The following RARB variants were observed in gnomAD, a reference collection of about 807,000 sequenced individuals.
The protein encoded by RARB is HBV-activated protein.
Under a neutral mutation model 51.9 loss-of-function variants are expected in RARB, and 17 were observed. The observed-to-expected ratio is 0.33, with a 90% CI of 0.22 to 0.49. The LOEUF is 0.49. RARB is among the 20% of genes least tolerant of loss of function. The probability of loss-of-function intolerance (pLI) is 0.99; values close to 1 mark genes in which losing one functional copy is unlikely to be tolerated. For synonymous variants in RARB, 215 were observed against 195.4 expected, an observed-to-expected ratio of 1.10 and a Z score of -0.84; for missense variants, 369 against 550.8, an observed-to-expected ratio of 0.67 and a Z score of 3.30.
At chr3:25,135,169 T>C (rs1204574030) in intron 4 of RARB, among the ~76,000 whole-genome samples, 2 of 151,908 alleles carry the variant, frequency 1.3e-5, no homozygotes, top group African/African-American at 2.4e-5. Context: ...GATCCATCGA[T>C]AGAGTAGCCA....
intron 2 of RARB, among the ~76,000 whole-genome samples, chr3:24,972,543 T>G (rs6768850): frequency 0.49 from 73,944 of 151,756 alleles, 18,446 homozygotes; most frequent in Admixed American, 0.6. Context: ...GTTATATTTT[T>G]AGCTTTCTGA....
chr3:24,877,345 A>AATTTTTTTTTTTTTTTTTTTTTTTTTTT (rs1559379782), intron 2 of RARB, among the ~76,000 whole-genome samples: 1 of 17,764 alleles, frequency 5.6e-5, no homozygotes, highest in African/African-American at 2.9e-4. Context: ...AAGCAATCTT[A>AATTTTTTTTTTTTTTTTTTTTTTTTTTT]CTTTTTTTTT....
intron 2 of RARB, among the ~76,000 whole-genome samples, chr3:25,050,043 C>T (rs6550940): frequency 0.71 from 107,172 of 151,622 alleles, 38,194 homozygotes; most frequent in Non-Finnish European, 0.73. Flanking sequence ...GGTATTTAAT[C>T]CGGATTTTAA....
chr3:24,989,815 C>T (rs1696873287), intron 2 of RARB, among the ~76,000 whole-genome samples: 1 of 45,982 alleles, frequency 2.2e-5, no homozygotes, highest in African/African-American at 9.5e-5. Context: ...TTTTTTGAGA[C>T]GGAGTCTCGC....
At chr3:25,206,472 G>A (rs1231190699) in intron 5 of RARB, among the ~76,000 whole-genome samples, 2 of 152,098 alleles carry the variant, frequency 1.3e-5, no homozygotes, top group Non-Finnish European at 2.9e-5. Context: ...GAGGTCTTTT[G>A]ACTGAAGATA....
intron 3 of RARB, among the ~76,000 whole-genome samples, chr3:25,503,118 C>T (rs1385689439): frequency 7.0e-6 from 1 of 143,630 alleles, no homozygotes; most frequent in Admixed American, 7.0e-5. Flanking sequence ...CATCCAGTTC[C>T]TTTCCCTCTC....
At chr3:24,865,091 T>A (rs141582741) in intron 2 of RARB, among the ~76,000 whole-genome samples, 90 of 152,308 alleles carry the variant, frequency 5.9e-4, no homozygotes, top group African/African-American at 2.1e-3. Flanking sequence ...TATGACAAGT[T>A]CTGAGGGTCC....
At chr3:25,076,308 T>A (rs945055763) in intron 3 of RARB, among the ~76,000 whole-genome samples, 2 of 152,102 alleles carry the variant, frequency 1.3e-5, no homozygotes, top group Non-Finnish European at 2.9e-5. Flanking sequence ...TCCGGCTAAT[T>A]TTTTGTAATT....
chr3:25,396,712 G>C (rs955919987), intron 5 of RARB, among the ~76,000 whole-genome samples: 9 of 152,072 alleles, frequency 5.9e-5, no homozygotes, highest in African/African-American at 2.2e-4. Flanking sequence ...GTTTGCTGTG[G>C]CGCTGTGGAG....
chr3:25,429,535 G>C (rs1441183680), intron 1 of RARB, among the ~76,000 whole-genome samples: 1 of 152,128 alleles, frequency 6.6e-6, no homozygotes, highest in Non-Finnish European at 1.5e-5. Flanking sequence ...AGAAGTTGCT[G>C]TTTTGCTAGA....
chr3:25,226,070 G>A (rs1702049930), intron 5 of RARB, among the ~76,000 whole-genome samples: 1 of 152,112 alleles, frequency 6.6e-6, no homozygotes, highest in African/African-American at 2.4e-5. Context: ...TAAGCAAACT[G>A]CCCATATAAA....
intron 2 of RARB, among the ~76,000 whole-genome samples, chr3:24,881,032 G>T (rs1250107415): frequency 6.6e-6 from 1 of 152,166 alleles, no homozygotes; most frequent in African/African-American, 2.4e-5. Context: ...TAGGTGATTG[G>T]ATCATGGGGT....
At chr3:25,318,599 T>G (rs937298854) in intron 5 of RARB, among the ~76,000 whole-genome samples, 1 of 152,186 alleles carries the variant, frequency 6.6e-6, no homozygotes, top group African/African-American at 2.4e-5. Flanking sequence ...TGGAAATGTA[T>G]GTGTAGGTAA....
chr3:25,157,350 T>TTGTGTGTGTGTG (rs748559000), intron 4 of RARB, among the ~76,000 whole-genome samples: 3,461 of 144,962 alleles, frequency 0.024, 52 homozygotes, highest in East Asian at 0.048. Context: ...GTGTGTGTGT[T>TTGTGTGTGTGTG]TGTGTGTGTG....
At chr3:25,494,253 G>GCGCACACACACACACA (rs1553623183) in intron 2 of RARB, among the ~76,000 whole-genome samples, 1 of 131,852 alleles carries the variant, frequency 7.6e-6, no homozygotes, top group African/African-American at 2.6e-5. Flanking sequence ...TGTATCTTAC[G>GCGCACACACACACACA]CACACACACA....
intron 2 of RARB, among the ~76,000 whole-genome samples, chr3:24,985,978 T>C (rs142787786): frequency 2.0e-5 from 3 of 152,358 alleles, no homozygotes; most frequent in Non-Finnish European, 2.9e-5. Flanking sequence ...ATATTAAATA[T>C]GCCATAAAAT....
chr3:25,059,458 A>T (rs1698504850), intron 2 of RARB, among the ~76,000 whole-genome samples: 1 of 151,814 alleles, frequency 6.6e-6, no homozygotes, highest in African/African-American at 2.4e-5. Context: ...TTTACTTGGT[A>T]CTTGTTTTTA....
chr3:24,845,586 GA>G (rs987951659), intron 1 of RARB, among the ~76,000 whole-genome samples: 1 of 152,174 alleles, frequency 6.6e-6, no homozygotes, highest in African/African-American at 2.4e-5. Flanking sequence ...AGGAGGCTGA[GA>G]AATGTAACCT....
At chr3:24,969,386 A>C (rs1575097135) in intron 2 of RARB, among the ~76,000 whole-genome samples, 1 of 152,028 alleles carries the variant, frequency 6.6e-6, no homozygotes, top group East Asian at 1.9e-4. Flanking sequence ...TGCTGTTGCT[A>C]TTGTTGTTAA....
Sources: gnomAD v4.1 joint callset for allele counts (sites outside exome capture counted in the v4.1 genomes callset) on GRCh38, gnomAD v4.1.1 for gene constraint, MANE v1.5 for transcripts, NCBI Gene and HGNC (gene_info 2026-07-23, HGNC 2026-07-21) for gene names.